Variants in ENTHD1 observed in about 807,000 individuals in gnomAD.
ENTHD1 encodes the protein ENTH domain containing 1, also known as ENTH domain-containing protein 1.
ENTHD1 carries 23 observed loss-of-function variants against 39.1 expected under a neutral mutation model. The observed-to-expected ratio is 0.59, with a 90% CI of 0.42 to 0.83. ENTHD1 has a LOEUF of 0.83. Among genes scored for constraint, ENTHD1 ranks in the 40% least tolerant of loss-of-function variants. The pLI, the probability that ENTHD1 is intolerant of heterozygous loss-of-function variation, is 0.00. For missense variants in ENTHD1, 624 were observed against 705.4 expected (o/e 0.88, Z 1.31); for synonymous variants, 230 against 258.2 (o/e 0.89, Z 1.05).
At chr22:39,773,117 C>CAAAAAAAAAAAA (rs57398699) in intron 5 of ENTHD1, among the ~76,000 whole-genome samples, 1 of 36,102 alleles carries the variant, frequency 2.8e-5, no homozygotes, top group African/African-American at 1.0e-4. Flanking sequence ...GACCTCATCT[C>CAAAAAAAAAAAA]AAAAAAAAAA....
chr22:39,836,604 A>G (rs2065909300), intron 3 of ENTHD1, among the ~76,000 whole-genome samples: 1 of 152,304 alleles, frequency 6.6e-6, no homozygotes, highest in South Asian at 2.1e-4. Context: ...ACTCAACACA[A>G]TTTTTAAATT....
intron 2 of ENTHD1, among the ~76,000 whole-genome samples, chr22:39,873,100 C>T (rs2066257542): frequency 6.6e-6 from 1 of 152,004 alleles, no homozygotes; most frequent in Admixed American, 6.6e-5. Flanking sequence ...GAGTGAGCCA[C>T]CACACTCAGC....
At chr22:39,848,863 C>T (rs1035358581) in intron 3 of ENTHD1, among the ~76,000 whole-genome samples, 5 of 152,172 alleles carry the variant, frequency 3.3e-5, no homozygotes, top group Non-Finnish European at 4.4e-5. Context: ...AAAGTTTTGC[C>T]TTTTTACCTT....
intron 4 of ENTHD1, among the ~76,000 whole-genome samples, chr22:39,831,271 A>C (rs73888183): frequency 0.019 from 2,939 of 152,298 alleles, 90 homozygotes; most frequent in African/African-American, 0.068. Context: ...CCTTTGGTCT[A>C]GGGACCAGAT....
At chr22:39,889,586 A>G (rs1161326326) in intron 1 of ENTHD1, among the ~76,000 whole-genome samples, 1 of 152,200 alleles carries the variant, frequency 6.6e-6, no homozygotes, top group Non-Finnish European at 1.5e-5. Context: ...GTTAAAATCC[A>G]TAACAAATGT....
intron 5 of ENTHD1, among the ~76,000 whole-genome samples, chr22:39,808,862 C>T (rs1409839934): frequency 6.6e-6 from 1 of 152,064 alleles, no homozygotes; most frequent in Non-Finnish European, 1.5e-5. Context: ...CAATGAAAGC[C>T]TTTAGTAGTC....
chr22:39,810,231 T>A (rs2065674933), intron 5 of ENTHD1, among the ~76,000 whole-genome samples: 1 of 152,190 alleles, frequency 6.6e-6, no homozygotes, highest in Non-Finnish European at 1.5e-5. Flanking sequence ...AGATAAGTAC[T>A]TATCCGATAT....
chr22:39,772,480 A>G (rs2065334643), intron 5 of ENTHD1, among the ~76,000 whole-genome samples: 1 of 152,198 alleles, frequency 6.6e-6, no homozygotes, highest in Admixed American at 6.5e-5. Context: ...GTGAATACCT[A>G]AAGGTGTATA....
intron 2 of ENTHD1, among the ~76,000 whole-genome samples, chr22:39,864,085 T>C (rs559876964): frequency 6.6e-6 from 1 of 152,382 alleles, no homozygotes; most frequent in African/African-American, 2.4e-5. Flanking sequence ...TGTCGTGTGA[T>C]AAACAGAAGT....
intron 6 of ENTHD1, among the ~76,000 whole-genome samples, chr22:39,762,178 C>T (rs887976758): frequency 5.3e-5 from 8 of 152,096 alleles, no homozygotes; most frequent in Non-Finnish European, 1.0e-4. Flanking sequence ...TGGTCAGACT[C>T]GCTGGGGTCC....
chr22:39,788,546 T>A (rs1013874221), intron 5 of ENTHD1, among the ~76,000 whole-genome samples: 1 of 152,212 alleles, frequency 6.6e-6, no homozygotes, highest in Non-Finnish European at 1.5e-5. Context: ...GCTGTGAACA[T>A]TGTTGCAATG....
intron 6 of ENTHD1, among the ~76,000 whole-genome samples, chr22:39,763,876 C>A (rs1384701789): frequency 6.6e-6 from 1 of 152,062 alleles, no homozygotes; most frequent in Admixed American, 6.5e-5. Context: ...CCAAACGTAT[C>A]AACTTCCCAG....
intron 5 of ENTHD1, among the ~76,000 whole-genome samples, chr22:39,819,019 A>G (rs1383228652): frequency 6.6e-6 from 1 of 152,154 alleles, no homozygotes; most frequent in African/African-American, 2.4e-5. Context: ...ATTCAGCATT[A>G]CAGTAGGCGA....
At chr22:39,821,700 A>G (rs2065784255) in intron 4 of ENTHD1, among the ~76,000 whole-genome samples, 1 of 152,202 alleles carries the variant, frequency 6.6e-6, no homozygotes, top group Non-Finnish European at 1.5e-5. Flanking sequence ...ATAACAAAAT[A>G]CCATCAACTG....
chr22:39,784,739 G>A (rs1236079918), intron 5 of ENTHD1, among the ~76,000 whole-genome samples: 28 of 152,130 alleles, frequency 1.8e-4, no homozygotes, highest in Non-Finnish European at 1.5e-5. Context: ...TGGATCTCAT[G>A]AAGATGGAGA....
intron 5 of ENTHD1, among the ~76,000 whole-genome samples, chr22:39,772,430 A>G (rs1014569000): frequency 2.6e-5 from 4 of 152,154 alleles, no homozygotes; most frequent in African/African-American, 9.7e-5. Context: ...ATAGGCCTAT[A>G]TGGTTGCAAT....
chr22:39,886,357 A>G (rs1485346846), intron 2 of ENTHD1, among the ~76,000 whole-genome samples: 1 of 152,198 alleles, frequency 6.6e-6, no homozygotes, highest in Non-Finnish European at 1.5e-5. Context: ...AAACCCACAG[A>G]ACTGTAGAAC....
At position 39,876,075 on chromosome 22, in the gene ENTHD1, C is replaced by T. The variant is rs187645348; in HGVS notation, c.349+11325G>A. ...GCTACTCTCAACCTTGAAGTCCCCA[C>T]GTATGAGTTCACCAGTGACGATATG... On this transcript the variant is annotated intron_variant, in intron 2 of 6. Transcript: ENST00000325157. 1.7e-3 allele frequency: 2,813 copies of T among 1,613,418 alleles called. 13 individuals are homozygous for T. The highest frequency in any genetic ancestry group is 1.4e-3 in the Non-Finnish European group (1,645 of 1,179,522).
intron 5 of ENTHD1, among the ~76,000 whole-genome samples, chr22:39,789,448 T>C (rs984355280): frequency 1.3e-5 from 2 of 152,172 alleles, no homozygotes; most frequent in African/African-American, 4.8e-5. Context: ...TCACTGATGT[T>C]TTAATTGGTA....
Sources: gnomAD v4.1 joint callset for allele counts (sites outside exome capture counted in the v4.1 genomes callset) on GRCh38, gnomAD v4.1.1 for gene constraint, MANE v1.5 for transcripts, NCBI Gene and HGNC (gene_info 2026-07-23, HGNC 2026-07-21) for gene names.